The following CALN1 variants were observed in gnomAD, a reference collection of about 807,000 sequenced individuals.
CALN1 encodes calcium-binding protein 8.
A neutral mutation model predicts 30.6 loss-of-function variants in CALN1; 17 were observed. The observed-to-expected ratio is 0.56, with a 90% confidence interval of 0.38 to 0.83. CALN1 has a LOEUF of 0.83. CALN1 is among the 40% of genes least tolerant of loss of function. The pLI, the probability that CALN1 is intolerant of heterozygous loss-of-function variation, is 0.00. For synonymous variants in CALN1, 156 were observed against 131.4 expected (o/e 1.19, Z -1.28); for missense variants, 291 against 354.9 (o/e 0.82, Z 1.45).
chr7:72,457,426 G>T, the CALN1 span, among the ~76,000 whole-genome samples: 9 of 152,150 alleles, frequency 5.9e-5, no homozygotes, highest in Non-Finnish European at 1.3e-4. Context: ...CCAGCTACAT[G>T]AAACCACTTG....
At chr7:72,496,199 G>T in the CALN1 span, among the ~76,000 whole-genome samples, 1 of 152,176 alleles carries the variant, frequency 6.6e-6, no homozygotes, top group Admixed American at 6.5e-5. Flanking sequence ...TGGGATTACA[G>T]GTGTGAGCCA....
intron 3 of CALN1, among the ~76,000 whole-genome samples, chr7:72,118,032 G>C (rs1440562211): frequency 6.6e-6 from 1 of 151,918 alleles, no homozygotes; most frequent in African/African-American, 2.4e-5. Context: ...TGGGGAAAAA[G>C]GTGCACAGGC....
At chr7:71,862,130 C>G (rs1247039219) in intron 5 of CALN1, among the ~76,000 whole-genome samples, 1 of 152,234 alleles carries the variant, frequency 6.6e-6, no homozygotes, top group Non-Finnish European at 1.5e-5. Context: ...GAACAACTAG[C>G]CTCTCATAAA....
At chr7:72,357,515 T>TA (rs2129559585) in intron 2 of CALN1, among the ~76,000 whole-genome samples, 1 of 152,028 alleles carries the variant, frequency 6.6e-6, no homozygotes, top group African/African-American at 2.4e-5. Flanking sequence ...AACCCATCCC[T>TA]AATCAAATCT....
chr7:72,333,218 A>G (rs1801789936), intron 2 of CALN1, among the ~76,000 whole-genome samples: 1 of 152,172 alleles, frequency 6.6e-6, no homozygotes, highest in Non-Finnish European at 1.5e-5. Context: ...TTGCCTAGCT[A>G]CCATCCATCT....
chr7:72,025,192 C>T (rs575143921), intron 4 of CALN1, among the ~76,000 whole-genome samples: 5 of 152,202 alleles, frequency 3.3e-5, no homozygotes, highest in Non-Finnish European at 5.9e-5. Context: ...TGCCTGTAAT[C>T]CCAGCTACTT....
intron 4 of CALN1, among the ~76,000 whole-genome samples, chr7:72,040,448 G>A (rs1802057166): frequency 6.6e-6 from 1 of 152,132 alleles, no homozygotes; most frequent in African/African-American, 2.4e-5. Flanking sequence ...TCATGCCACT[G>A]CACCCCAGTA....
rs549079139 is a variant in CALN1 at position 72,044,599 on chromosome 7, CTTTTTTT to C, written c.389-20837_389-20831del. ...TTCAGAGAATAATTTCCGCTTAAAA[CTTTTTTT>C]TTTTTTTTTTTTTTTTTTTTTTTGA... On this transcript the variant is annotated intron_variant, in intron 4 of 6. Coordinates refer to ENST00000395275, the MANE Select transcript of CALN1 (RefSeq NM_031468.4). 8.2e-3 allele frequency among the ~76,000 whole-genome samples: 790 copies of C among 96,622 alleles called. 8 individuals carry two copies. Among genetic ancestry groups the C allele is most frequent in the African/African-American group, 0.029 (712 of 24,406 alleles). 63.4% of individuals were successfully genotyped at this position (96,622 alleles called of 152,430 possible).
chr7:72,000,000 A>C (rs1799447749), intron 5 of CALN1, among the ~76,000 whole-genome samples: 1 of 152,188 alleles, frequency 6.6e-6, no homozygotes, highest in African/African-American at 2.4e-5. Flanking sequence ...GAAAATTAAT[A>C]ACACGCTGCT....
At chr7:71,999,676 C>A (rs1799428685) in intron 5 of CALN1, among the ~76,000 whole-genome samples, 1 of 152,048 alleles carries the variant, frequency 6.6e-6, no homozygotes. Context: ...CCACCACACC[C>A]TGCTAATTTT....
At chr7:71,877,093 G>A (rs967760480) in intron 5 of CALN1, among the ~76,000 whole-genome samples, 2 of 151,846 alleles carry the variant, frequency 1.3e-5, no homozygotes, top group African/African-American at 2.4e-5. Context: ...TACAGCATAA[G>A]AGCAACACAT....
At chr7:72,382,778 G>A (rs898440120) in intron 2 of CALN1, among the ~76,000 whole-genome samples, 38 of 152,192 alleles carry the variant, frequency 2.5e-4, no homozygotes, top group Admixed American at 9.2e-4. Context: ...CACCCATGTT[G>A]CTGTAAAGGA....
intron 2 of CALN1, among the ~76,000 whole-genome samples, chr7:72,396,252 A>AG (rs1314121169): frequency 9.7e-4 from 56 of 57,548 alleles, no homozygotes; most frequent in African/African-American, 5.5e-3. Flanking sequence ...AAAAAAAAAA[A>AG]AAAAAGAAAG....
At chr7:71,884,038 C>T (rs747182434) in intron 5 of CALN1, among the ~76,000 whole-genome samples, 3 of 152,052 alleles carry the variant, frequency 2.0e-5, no homozygotes, top group Non-Finnish European at 2.9e-5. Context: ...CTCAGCCTCC[C>T]GAGTAGCTGG....
intron 2 of CALN1, among the ~76,000 whole-genome samples, chr7:72,307,993 G>A (rs896897048): frequency 6.6e-6 from 1 of 152,102 alleles, no homozygotes; most frequent in Non-Finnish European, 1.5e-5. Flanking sequence ...ACAAAGACAC[G>A]GTGATGGACA....
chr7:72,043,056 G>A (rs574630367), intron 4 of CALN1, among the ~76,000 whole-genome samples: 1 of 152,312 alleles, frequency 6.6e-6, no homozygotes, highest in East Asian at 1.9e-4. Context: ...GGCTTCTCGT[G>A]GTTCAGAGGC....
intron 3 of CALN1, among the ~76,000 whole-genome samples, chr7:72,144,991 T>C (rs1440446974): frequency 6.6e-6 from 1 of 152,130 alleles, no homozygotes; most frequent in African/African-American, 2.4e-5. Context: ...GGGAAATTTA[T>C]AGCACTAAAT....
chr7:72,143,468 G>C (rs954917615), intron 3 of CALN1, among the ~76,000 whole-genome samples: 4 of 152,268 alleles, frequency 2.6e-5, no homozygotes, highest in African/African-American at 9.6e-5. Context: ...AAAAATATGG[G>C]ACTATGTGAA....
intron 5 of CALN1, among the ~76,000 whole-genome samples, chr7:71,925,937 T>C (rs929845458): frequency 1.3e-5 from 2 of 152,096 alleles, no homozygotes; most frequent in African/African-American, 4.8e-5. Context: ...AACTGCAACC[T>C]CTGCCTCCTG....
Sources: allele counts gnomAD v4.1 joint callset (sites outside exome capture counted in the v4.1 genomes callset), GRCh38; gene constraint gnomAD v4.1.1; transcripts MANE v1.5; gene names NCBI Gene and HGNC (gene_info 2026-07-23, HGNC 2026-07-21).